SNX25: variants seen among roughly 807,000 people sequenced by gnomAD.
SNX25 encodes the protein sorting nexin-25.
A neutral mutation model predicts 113.7 loss-of-function variants in SNX25; 62 were observed. That is an observed-to-expected ratio of 0.55 (90% CI 0.44 to 0.67). SNX25 has a LOEUF of 0.67. Ranked by LOEUF, SNX25 falls within the 30% of genes least tolerant of loss-of-function variation. SNX25 has a pLI of 0.00. For missense variants in SNX25, 1,014 were observed against 1,161.0 expected (o/e 0.87, Z 1.84); for synonymous variants, 421 against 436.2 (o/e 0.97, Z 0.43).
At chr4:185,367,456 AAG>A (rs1377730748), downstream of SNX25, among the ~76,000 whole-genome samples, 1 of 152,196 alleles carries the variant, frequency 6.6e-6, no homozygotes, top group Non-Finnish European at 1.5e-5. Flanking sequence ...TCTCATTTGA[AAG>A]AGATATTTTA....
intron 1 of SNX25, among the ~76,000 whole-genome samples, chr4:185,243,761 T>C (rs995078509): frequency 4.6e-5 from 7 of 152,202 alleles, no homozygotes; most frequent in South Asian, 2.1e-4. Context: ...GTTTGCATGT[T>C]ACATGTAAGT....
At chr4:185,374,465 C>T (rs760319896), downstream of SNX25, 14 of 1,603,672 alleles carry the variant, frequency 8.7e-6, no homozygotes, top group Non-Finnish European at 1.1e-5. Flanking sequence ...CTTTCTCCTT[C>T]GACAAAAGAA....
At position 185,209,772 on chromosome 4, in the gene SNX25, G is replaced by A; in HGVS notation, c.-55G>A. 3.0e-6 allele frequency: 3 copies of A among 984,066 alleles called. No individual in the cohort carries two copies. The highest frequency in any genetic ancestry group is 3.6e-6 in the Non-Finnish European group (3 of 829,446). The allele number at this position is 984,066 out of a possible 1,614,324, so 61.0% of individuals were successfully genotyped here. ...GGGCTCCCCCTGCCTCCGGAGCGCC[G>A]GCGGGGGACCGGGGGGCAGGAGATG... On this transcript the variant is annotated 5_prime_UTR_variant, in exon 1 of 19. Coordinates refer to ENST00000652585, the MANE Select transcript of SNX25 (RefSeq NM_001378034.2). This position sits in a 1 kb window ranked among gnomAD's most constrained non-coding sequence, Gnocchi z 5.2.
intron 16 of SNX25, among the ~76,000 whole-genome samples, chr4:185,360,728 C>A (rs1048666437): frequency 6.6e-6 from 1 of 151,862 alleles, no homozygotes; most frequent in South Asian, 2.1e-4. Context: ...GTGGGCCAAT[C>A]CTGACACAGT....
At chr4:185,223,812 A>T (rs915402772) in intron 1 of SNX25, among the ~76,000 whole-genome samples, 2 of 152,106 alleles carry the variant, frequency 1.3e-5, no homozygotes, top group Non-Finnish European at 2.9e-5. Flanking sequence ...TTGACACTCA[A>T]TACCTAGATC....
chr4:185,376,785 T>C, the SNX25 span: 10 of 658,096 alleles, frequency 1.5e-5, no homozygotes, highest in East Asian at 2.2e-4. Context: ...GCCACAGCCA[T>C]AGTCGATGTA....
chr4:185,277,234 A>G (rs1749837282), intron 5 of SNX25, among the ~76,000 whole-genome samples: 1 of 152,174 alleles, frequency 6.6e-6, no homozygotes, highest in African/African-American at 2.4e-5. Context: ...CATGTTGGCC[A>G]GGCTGGTCTG....
chr4:185,253,281 G>T (rs1208554827), intron 2 of SNX25, among the ~76,000 whole-genome samples: 1 of 151,920 alleles, frequency 6.6e-6, no homozygotes, highest in African/African-American at 2.4e-5. Context: ...AAGACCTTGG[G>T]GATGCTGACC....
At chr4:185,369,511 T>A (rs1261357540) in intron 11 of SNX25, among the ~76,000 whole-genome samples, 1 of 152,202 alleles carries the variant, frequency 6.6e-6, no homozygotes, top group African/African-American at 2.4e-5. Context: ...CCCGAAGTGC[T>A]GGGATTACAG....
rs555998769 is a variant in SNX25 at position 185,239,919 on chromosome 4, C to T, written c.430-7375C>T. Reference sequence around the variant, plus strand: ...CTAGGCAGAGGACCCTGCGGCCTTCCGCAGTGTTTGTGTCCCTGGGTACTT... The same window carrying T: ...CTAGGCAGAGGACCCTGCGGCCTTCTGCAGTGTTTGTGTCCCTGGGTACTT... On this transcript the variant is annotated intron_variant, in intron 1 of 18. Coordinates refer to ENST00000652585, the MANE Select transcript of SNX25 (RefSeq NM_001378034.2). 3.4e-4 allele frequency among the ~76,000 whole-genome samples: 51 copies of T among 149,842 alleles called. 1 individual carries two copies. Among genetic ancestry groups the T allele is most frequent in the East Asian group, 1.2e-3 (6 of 5,098 alleles).
chr4:185,247,511 G>T, intron 2 of SNX25, 133 bp downstream of exon 2: 1 of 711,190 alleles, frequency 1.4e-6, no homozygotes, highest in Non-Finnish European at 2.5e-6. Flanking sequence ...TCATGAGTTT[G>T]TATTTGATGA....
intron 2 of SNX25, among the ~76,000 whole-genome samples, chr4:185,251,293 C>T (rs879828016): frequency 6.6e-6 from 1 of 152,172 alleles, no homozygotes; most frequent in Non-Finnish European, 1.5e-5. Flanking sequence ...CCGCACCCGG[C>T]CTTAGTTCAG....
intron 1 of SNX25, among the ~76,000 whole-genome samples, chr4:185,228,773 C>T (rs1741386119): frequency 1.3e-5 from 2 of 152,220 alleles, no homozygotes; most frequent in East Asian, 1.9e-4. Flanking sequence ...AGAGCAGAAC[C>T]GTTTATTGGG....
intron 12 of SNX25, among the ~76,000 whole-genome samples, chr4:185,345,636 TAA>T (rs2095281933): frequency 6.6e-6 from 1 of 151,766 alleles, no homozygotes; most frequent in Non-Finnish European, 1.5e-5. Flanking sequence ...ACAAAAAATT[TAA>T]AAATTAGCCA....
chr4:185,378,151 G>T, the SNX25 span: 1 of 1,613,926 alleles, frequency 6.2e-7, no homozygotes, highest in Non-Finnish European at 8.5e-7. Flanking sequence ...AGGCATAAAA[G>T]GGGTTCTTGG....
In SNX25 at chr4:185,323,721, T is replaced by C. The variant is rs760252685; in HGVS notation, c.1670T>C (p.Val557Ala). Residue 557 changes from valine to alanine, a missense_variant, in exon 9 of 19, where the codon GTC (valine) becomes GCC (alanine). Val to Ala is a moderately conservative substitution (Grantham distance 64, BLOSUM62 0). Transcript: ENST00000652585. ...LKDRYYPSFI[V>A]SDLYEKLLIK... ...GATAGGTATTACCCTTCATTTATTG[T>C]CAGTGACCTGTATGAGAAATTGTTG... The C allele has an allele frequency of 6.2e-7, 1 of 1,613,822 alleles. No individual in the cohort carries two copies. Among genetic ancestry groups the C allele is most frequent in the Admixed American group, 1.7e-5 (1 of 60,018 alleles).
At chr4:185,227,271 T>G (rs1228225062) in intron 1 of SNX25, among the ~76,000 whole-genome samples, 1 of 152,244 alleles carries the variant, frequency 6.6e-6, no homozygotes, top group African/African-American at 2.4e-5. Flanking sequence ...CATTTATCTT[T>G]CTTGTTTTGT....
chr4:185,374,411 T>G, downstream of SNX25: 1 of 1,614,206 alleles, frequency 6.2e-7, no homozygotes, highest in Non-Finnish European at 8.5e-7. Flanking sequence ...AGTGTCTTGC[T>G]TTGGGACATG....
intron 10 of SNX25, among the ~76,000 whole-genome samples, chr4:185,335,931 A>T (rs953923550): frequency 6.6e-6 from 1 of 152,230 alleles, no homozygotes; most frequent in African/African-American, 2.4e-5. Flanking sequence ...ACAATGGCAT[A>T]GGCAAGGAGT....
Sources: gnomAD v4.1 joint callset for allele counts (sites outside exome capture counted in the v4.1 genomes callset) on GRCh38, gnomAD v4.1.1 for gene constraint, Gnocchi (gnomAD v3.1) non-coding constraint, MANE v1.5 for transcripts, NCBI Gene and HGNC (gene_info 2026-07-23, HGNC 2026-07-21) for gene names.